PKHD1: variants seen among roughly 807,000 people sequenced by gnomAD.
PKHD1 encodes PKHD1 ciliary IPT domain containing fibrocystin/polyductin, also known as fibrocystin.
In PKHD1, 291 loss-of-function variants were observed where a neutral mutation model predicts 412.0. The observed-to-expected ratio is 0.71, with a 90% CI of 0.64 to 0.78. The LOEUF is 0.78. Ranked by LOEUF, PKHD1 falls within the 30% of genes least tolerant of loss-of-function variation. The pLI, the probability that PKHD1 is intolerant of heterozygous loss-of-function variation, is 0.00. For missense variants in PKHD1, 4,825 were observed against 4,950.7 expected, an observed-to-expected ratio of 0.97 and a Z score of 0.76; for synonymous variants, 1,777 against 1,821.5, an observed-to-expected ratio of 0.98 and a Z score of 0.62.
rs754707165 is a variant in PKHD1 at position 52,048,613 on chromosome 6, C to A, written c.2286G>T (p.Val762=). 6.2e-7 allele frequency: 1 copy of A among 1,614,090 alleles called. No individual in the cohort carries two copies. Among genetic ancestry groups the A allele is most frequent in the South Asian group, 1.1e-5 (1 of 91,072 alleles). The part of the protein sequence containing the change: ...TELPLITARS[V]PTEGTEEGSG... ...ATCCCTCTTCTGTTCCTTCAGTGGG[C>A]ACAGAGCTGTGGCACGTCAGAAACA... is the stretch of plus-strand genomic sequence containing the variant. The change falls in exon 23 of 67, where the codon GTG becomes GTT. Residue 762 remains valine (V), a synonymous_variant. Transcript: ENST00000371117.
At chr6:51,657,675 C>T (rs1562037039) in intron 61 of PKHD1, among the ~76,000 whole-genome samples, 1 of 152,044 alleles carries the variant, frequency 6.6e-6, no homozygotes, top group Non-Finnish European at 1.5e-5. Flanking sequence ...GAAGCTGTTT[C>T]ACTTCCTCAT....
intron 37 of PKHD1, among the ~76,000 whole-genome samples, chr6:51,930,292 A>T (rs1786368329): frequency 6.6e-6 from 1 of 152,130 alleles, no homozygotes; most frequent in Non-Finnish European, 1.5e-5. Flanking sequence ...AGCTGACAGA[A>T]GTTACTAAAC....
chr6:51,641,950 C>T (rs557397536), intron 63 of PKHD1, among the ~76,000 whole-genome samples: 6 of 151,992 alleles, frequency 3.9e-5, no homozygotes, highest in Admixed American at 6.6e-5. Context: ...ATGTAGATGA[C>T]GGGTTGATGG....
intron 36 of PKHD1, among the ~76,000 whole-genome samples, chr6:51,953,404 A>G (rs1790653414): frequency 2.0e-5 from 3 of 152,068 alleles, no homozygotes; most frequent in Admixed American, 1.3e-4. Flanking sequence ...CTATAGGCAG[A>G]GGGTAAAATG....
At chr6:51,673,307 T>G (rs976597840) in intron 60 of PKHD1, among the ~76,000 whole-genome samples, 2 of 152,216 alleles carry the variant, frequency 1.3e-5, no homozygotes, top group Non-Finnish European at 2.9e-5. Flanking sequence ...ACCAACCACA[T>G]GGGATGCCCC....
intron 55 of PKHD1, among the ~76,000 whole-genome samples, chr6:51,760,419 T>G (rs1438971527): frequency 6.6e-6 from 1 of 152,110 alleles, no homozygotes; most frequent in Non-Finnish European, 1.5e-5. Context: ...AGTGTTATGC[T>G]TTTCTTAAAA....
chr6:51,931,215 T>C (rs888661603), intron 37 of PKHD1, among the ~76,000 whole-genome samples: 5 of 152,120 alleles, frequency 3.3e-5, no homozygotes, highest in African/African-American at 4.8e-5. Flanking sequence ...CCCAGAAATC[T>C]AGATTTACAA....
chr6:51,847,850 A>G lies in PKHD1; in HGVS notation c.8032T>C (p.Phe2678Leu). The G allele has an allele frequency of 6.2e-7, 1 of 1,614,108 alleles. No homozygotes were observed. Among genetic ancestry groups the G allele is most frequent in the Non-Finnish European group, 8.5e-7 (1 of 1,179,948 alleles). Residue 2678 changes from phenylalanine to leucine, a missense_variant, in exon 50 of 67, where the codon TTT becomes CTT. Transcript: ENST00000371117. ...CGSRVGLSFP[F>L]LPSPGQNQGC... ...TGGTTCTGACCTGGTGATGGAAGAA[A>G]TGGAAAAGACAGACCCACTCGACTC...
chr6:52,066,659 G>A (rs904980559), intron 11 of PKHD1, among the ~76,000 whole-genome samples: 9 of 152,286 alleles, frequency 5.9e-5, no homozygotes, highest in East Asian at 1.9e-4. Flanking sequence ...TTGGGAGGCC[G>A]AAGCGAGTGG....
chr6:51,639,642 T>C (rs915524345), intron 63 of PKHD1, among the ~76,000 whole-genome samples: 2 of 152,118 alleles, frequency 1.3e-5, no homozygotes, highest in Admixed American at 1.3e-4. Flanking sequence ...GGTCATCCAT[T>C]TATAACGTGA....
chr6:51,832,658 A>G (rs961577763), intron 51 of PKHD1, among the ~76,000 whole-genome samples: 1 of 152,090 alleles, frequency 6.6e-6, no homozygotes, highest in Non-Finnish European at 1.5e-5. Context: ...CTGAGCCCAG[A>G]GATGAATTTG....
intron 60 of PKHD1, among the ~76,000 whole-genome samples, chr6:51,730,363 T>C (rs1216990733): frequency 6.6e-6 from 1 of 152,180 alleles, no homozygotes; most frequent in Admixed American, 6.5e-5. Flanking sequence ...CCATTTAAAA[T>C]TTATTTTTGT....
intron 57 of PKHD1, 70 bp from the exon 58 acceptor site, chr6:51,748,735 G>T (rs755662328): frequency 1.1e-5 from 14 of 1,297,544 alleles, no homozygotes; most frequent in Non-Finnish European, 1.6e-5. Flanking sequence ...GCCCATTTTG[G>T]GGCATTAAGA....
chr6:52,014,826 A>ATGGG (rs1554193261), intron 34 of PKHD1, among the ~76,000 whole-genome samples: 17 of 151,884 alleles, frequency 1.1e-4, no homozygotes, highest in African/African-American at 3.9e-4. Flanking sequence ...GGATGGATGG[A>ATGGG]CGGACGAATA....
intron 52 of PKHD1, among the ~76,000 whole-genome samples, chr6:51,825,107 G>T (rs1024465032): frequency 2.6e-5 from 4 of 152,128 alleles, no homozygotes; most frequent in Admixed American, 2.0e-4. Context: ...AATTTAGCAG[G>T]CTCTAAAGCA....
intron 4 of PKHD1, among the ~76,000 whole-genome samples, chr6:52,081,832 T>C (rs950360000): frequency 6.6e-6 from 1 of 152,114 alleles, no homozygotes; most frequent in African/African-American, 2.4e-5. Context: ...AATCATCTAC[T>C]TGCATGCACT....
At position 52,043,666 on chromosome 6, in the gene PKHD1, T is replaced by G; in HGVS notation, c.2780A>C (p.Gln927Pro). The G allele has an allele frequency of 6.2e-7, 1 of 1,613,400 alleles. No individual in the cohort carries two copies. The highest frequency in any genetic ancestry group is 8.5e-7 in the Non-Finnish European group (1 of 1,179,460). ...AGAATGGACACAGGGAGTTGACCCT[T>G]GGAGGTACTGGAAAGAGCAGGAACC... ...CPGSCSFQYL[Q>P]GSTPCVHSVW... Residue 927 changes from glutamine to proline, a missense_variant, in exon 26 of 67, where the codon CAA becomes CCA. Coordinates refer to ENST00000371117, the MANE Select transcript of PKHD1 (RefSeq NM_138694.4).
At chr6:51,911,336 C>T (rs1782912241) in intron 39 of PKHD1, among the ~76,000 whole-genome samples, 1 of 152,156 alleles carries the variant, frequency 6.6e-6, no homozygotes, top group Admixed American at 6.6e-5. Flanking sequence ...TTTTCCACCA[C>T]TTACCTAAAG....
At chr6:51,754,511 C>T (rs961405231) in intron 56 of PKHD1, among the ~76,000 whole-genome samples, 3 of 152,116 alleles carry the variant, frequency 2.0e-5, no homozygotes, top group African/African-American at 7.2e-5. Context: ...GACTCTCAAC[C>T]CTTCTGCTCT....
Sources: gnomAD v4.1 joint callset for allele counts (sites outside exome capture counted in the v4.1 genomes callset) on GRCh38, gnomAD v4.1.1 for gene constraint, MANE v1.5 for transcripts, NCBI Gene and HGNC (gene_info 2026-07-23, HGNC 2026-07-21) for gene names.